Variants in CACNA1E observed in about 807,000 individuals in gnomAD.
CACNA1E encodes voltage-dependent R-type calcium channel subunit alpha-1E.
Under a neutral mutation model 259.2 loss-of-function variants are expected in CACNA1E, and 40 were observed. That is an observed-to-expected ratio of 0.15 (90% CI 0.12 to 0.20). The LOEUF is 0.20. CACNA1E is among the 10% of genes least tolerant of loss of function. The pLI, the probability that CACNA1E is intolerant of heterozygous loss-of-function variation, is 1.00. For missense variants in CACNA1E, 1,874 were observed against 3,040.1 expected, an observed-to-expected ratio of 0.62 and a Z score of 9.02; for synonymous variants, 1,104 against 1,138.5, an observed-to-expected ratio of 0.97 and a Z score of 0.61.
chr1:181,349,298 G>A (rs184993032), intron 1 of CACNA1E, among the ~76,000 whole-genome samples: 11 of 152,344 alleles, frequency 7.2e-5, no homozygotes, highest in African/African-American at 2.6e-4. Context: ...CTCAAATCTT[G>A]GCTTGCCAAG....
chr1:181,724,781 T>A (rs1466459524), intron 17 of CACNA1E, among the ~76,000 whole-genome samples: 1 of 152,244 alleles, frequency 6.6e-6, no homozygotes, highest in African/African-American at 2.4e-5. Context: ...AACATCTTAA[T>A]TTCTATGAGC....
In CACNA1E at chr1:181,732,248, G is replaced by A; in HGVS notation, c.2298-136G>A. The A allele has an allele frequency of 7.6e-7, 1 of 1,313,440 alleles. No individual in the cohort carries two copies. Among genetic ancestry groups the A allele is most frequent in the Non-Finnish European group, 9.9e-7 (1 of 1,014,178 alleles). 81.4% of individuals were successfully genotyped at this position (1,313,440 alleles called of 1,614,324 possible). ...CCGCCTGCTCCTCGCATCTTTCTGT[G>A]CTTCCTGTCTGCAGGTCCTGGGCAC... On this transcript the variant is annotated intron_variant, in intron 19 of 47. Coordinates refer to ENST00000367573, the MANE Select transcript of CACNA1E (RefSeq NM_001205293.3). The surrounding 1 kb of genome is among the most constrained non-coding windows in gnomAD (Gnocchi z 5.5).
intron 7 of CACNA1E, among the ~76,000 whole-genome samples, chr1:181,688,105 TG>T (rs1367003449): frequency 6.6e-6 from 1 of 152,156 alleles, no homozygotes; most frequent in Non-Finnish European, 1.5e-5. Flanking sequence ...AATGAGTATC[TG>T]GGCACTAACA....
chr1:181,377,077 G>A (rs1021124979), intron 1 of CACNA1E, among the ~76,000 whole-genome samples: 1 of 152,188 alleles, frequency 6.6e-6, no homozygotes, highest in African/African-American at 2.4e-5. Flanking sequence ...TTTACTGAGT[G>A]CCTTCTAGGT....
intron 6 of CACNA1E, among the ~76,000 whole-genome samples, chr1:181,617,653 C>T (rs1205544415): frequency 6.6e-6 from 1 of 152,184 alleles, no homozygotes; most frequent in Non-Finnish European, 1.5e-5. Flanking sequence ...GTGCCACAAG[C>T]TTAAGTATAT....
intron 46 of CACNA1E, among the ~76,000 whole-genome samples, chr1:181,795,989 G>T (rs1251007784): frequency 6.6e-6 from 1 of 151,874 alleles, no homozygotes; most frequent in Non-Finnish European, 1.5e-5. Flanking sequence ...ATTCCCTTCT[G>T]CTGGTGCCAC....
In CACNA1E at chr1:181,592,567, G is replaced by A. The variant is rs577345509; in HGVS notation, c.951+11791G>A. 1.1e-4 allele frequency among the ~76,000 whole-genome samples: 16 copies of A among 152,116 alleles called. No individual in the cohort carries two copies. In the South Asian group the frequency reaches 2.1e-3, roughly 20 times the overall value. ...ATTTCAGTGTTTACAGAGGGTTTGCGTGTAATTAGCAGTTTATTTCTGTGA... is the reference window on the plus strand; with the variant it reads ...ATTTCAGTGTTTACAGAGGGTTTGCATGTAATTAGCAGTTTATTTCTGTGA... On this transcript the variant is annotated intron_variant, in intron 6 of 47. Coordinates refer to ENST00000367573, the MANE Select transcript of CACNA1E (RefSeq NM_001205293.3).
intron 7 of CACNA1E, among the ~76,000 whole-genome samples, chr1:181,654,856 C>T (rs1326168947): frequency 4.6e-5 from 7 of 151,820 alleles, no homozygotes; most frequent in Admixed American, 1.3e-4. Flanking sequence ...AGGTGGCGGG[C>T]GCCTGTAGTC....
chr1:181,494,378 T>G (rs1331412006), intron 1 of CACNA1E, among the ~76,000 whole-genome samples: 1 of 151,834 alleles, frequency 6.6e-6, no homozygotes, highest in Non-Finnish European at 1.5e-5. Flanking sequence ...AGCTAAAATC[T>G]CTGAATCTTT....
chr1:181,471,606 T>C (rs1433457662), intron 2 of CACNA1E, among the ~76,000 whole-genome samples: 1 of 152,192 alleles, frequency 6.6e-6, no homozygotes, highest in Non-Finnish European at 1.5e-5. Context: ...CCCAATGTTT[T>C]TCAATTAAGA....
Position 181,795,049 on chromosome 1 carries a change from GGA to G in CACNA1E, c.6208+7_6208+8del. 1 of 1,612,694 alleles carries G rather than the reference GGA, an allele frequency of 6.2e-7. No individual in the cohort carries two copies. The highest frequency in any genetic ancestry group is 1.3e-5 in the African/African-American group (1 of 75,028). On this transcript the variant is annotated splice_donor_region_variant and intron_variant, in intron 46 of 47. Coordinates refer to ENST00000367573, the MANE Select transcript of CACNA1E (RefSeq NM_001205293.3). ...ACCGCCTGAACTCTGATTCAGGTGA[GGA>G]GGTCTTCAGTGTCCAGCTCTTTCAT...
chr1:181,767,011 G>A (rs1196536301), intron 35 of CACNA1E, among the ~76,000 whole-genome samples: 1 of 152,186 alleles, frequency 6.6e-6, no homozygotes, highest in African/African-American at 2.4e-5. Flanking sequence ...AAGGTCAGAT[G>A]TTAGTTCTTC....
intron 7 of CACNA1E, among the ~76,000 whole-genome samples, chr1:181,670,689 G>C (rs1332573624): frequency 6.6e-6 from 1 of 152,134 alleles, no homozygotes; most frequent in African/African-American, 2.4e-5. Flanking sequence ...ACCAAAAGAG[G>C]CCTCCCCACC....
chr1:181,701,604 G>A (rs1652266907), intron 7 of CACNA1E, among the ~76,000 whole-genome samples: 1 of 152,114 alleles, frequency 6.6e-6, no homozygotes, highest in African/African-American at 2.4e-5. Flanking sequence ...AAACAGAGTA[G>A]GTCTGAATTC....
At chr1:181,596,624 C>A (rs984631666) in intron 6 of CACNA1E, among the ~76,000 whole-genome samples, 4 of 147,916 alleles carry the variant, frequency 2.7e-5, no homozygotes, top group Non-Finnish European at 6.0e-5. Context: ...GCTCAGATGC[C>A]CTGCAGGCCC....
chr1:181,612,522 C>G (rs1222813947), intron 6 of CACNA1E, among the ~76,000 whole-genome samples: 1 of 152,198 alleles, frequency 6.6e-6, no homozygotes, highest in African/African-American at 2.4e-5. Context: ...GGGCTGGACT[C>G]TGGAGTAGAT....
intron 7 of CACNA1E, among the ~76,000 whole-genome samples, chr1:181,675,687 C>T (rs1166953653): frequency 6.6e-6 from 1 of 152,134 alleles, no homozygotes; most frequent in Non-Finnish European, 1.5e-5. Flanking sequence ...GATCATGAAG[C>T]AAAGGATACA....
chr1:181,737,211 G>A (rs1345993806), intron 22 of CACNA1E, among the ~76,000 whole-genome samples: 5 of 152,136 alleles, frequency 3.3e-5, no homozygotes, highest in Non-Finnish European at 5.9e-5. Context: ...AGTAGACATC[G>A]AGATACAGCA....
At chr1:181,384,926 C>G (rs1655732010) in intron 1 of CACNA1E, among the ~76,000 whole-genome samples, 1 of 152,166 alleles carries the variant, frequency 6.6e-6, no homozygotes, top group Admixed American at 6.5e-5. Flanking sequence ...TTCCTGCTTT[C>G]CTGCCTCTTT....
Sources: allele counts gnomAD v4.1 joint callset (sites outside exome capture counted in the v4.1 genomes callset), GRCh38; gene constraint gnomAD v4.1.1; non-coding constraint Gnocchi (gnomAD v3.1); transcripts MANE v1.5; gene names NCBI Gene and HGNC (gene_info 2026-07-23, HGNC 2026-07-21).